CHN1: variants seen among roughly 807,000 people sequenced by gnomAD.
CHN1 encodes chimerin 1, also known as N-chimaerin.
Under a neutral mutation model 59.5 loss-of-function variants are expected in CHN1, and 37 were observed. That is an observed-to-expected ratio of 0.62 (90% CI 0.48 to 0.82). The LOEUF (loss-of-function observed/expected upper bound fraction) is 0.82, where lower values mean the gene tolerates loss of function less well. Ranked by LOEUF, CHN1 falls within the 40% of genes least tolerant of loss-of-function variation. CHN1 has a pLI of 0.00. For missense variants in CHN1, 469 were observed against 571.0 expected (o/e 0.82, Z 1.82); for synonymous variants, 206 against 200.4 (o/e 1.03, Z -0.24).
chr2:174,812,811 C>T (rs1268548259), intron 8 of CHN1, among the ~76,000 whole-genome samples: 7 of 152,162 alleles, frequency 4.6e-5, no homozygotes, highest in Non-Finnish European at 5.9e-5. Flanking sequence ...AAACCCATTT[C>T]TTTAAAGTTA....
chr2:174,880,409 T>C (rs937773333), intron 5 of CHN1, among the ~76,000 whole-genome samples: 1 of 152,174 alleles, frequency 6.6e-6, no homozygotes, highest in Non-Finnish European at 1.5e-5. Flanking sequence ...GCACAGACTG[T>C]CAAAGATTTC....
chr2:174,810,995 C>T (rs746573340), intron 10 of CHN1: 1 of 152,192 alleles, frequency 6.6e-6, no homozygotes, highest in Non-Finnish European at 1.5e-5. Flanking sequence ...TTTGACTGGG[C>T]CCCTTCTCCT....
intron 6 of CHN1, among the ~76,000 whole-genome samples, chr2:174,855,120 A>G (rs1686862037): frequency 6.6e-6 from 1 of 152,178 alleles, no homozygotes; most frequent in Non-Finnish European, 1.5e-5. Context: ...AGCCAAAGAA[A>G]TAATTCTCTA....
At chr2:174,900,643 T>C (rs1055287224) in intron 5 of CHN1, among the ~76,000 whole-genome samples, 8 of 151,812 alleles carry the variant, frequency 5.3e-5, no homozygotes, top group African/African-American at 1.9e-4. Context: ...GCGTCTCTAC[T>C]AAAAATACAA....
At chr2:174,816,539 A>C (rs1158429816) in intron 8 of CHN1, among the ~76,000 whole-genome samples, 1 of 152,082 alleles carries the variant, frequency 6.6e-6, no homozygotes, top group Non-Finnish European at 1.5e-5. Context: ...GATTATTTTT[A>C]ATCTCTGCCA....
chr2:174,926,941 G>A (rs1208886608), intron 3 of CHN1, among the ~76,000 whole-genome samples: 1 of 151,970 alleles, frequency 6.6e-6, no homozygotes, highest in African/African-American at 2.4e-5. Flanking sequence ...TGTATTTTTA[G>A]TAGAGACGGG....
intron 1 of CHN1, among the ~76,000 whole-genome samples, chr2:174,990,262 TGAGAGAGAGAGA>T (rs147367573): frequency 2.8e-4 from 25 of 89,442 alleles, no homozygotes; most frequent in Admixed American, 7.5e-4. Flanking sequence ...TGTGTGTGTG[TGAGAGAGAGAGA>T]GAGAGAGAGA....
chr2:174,824,614 C>CTATA (rs149952097), intron 7 of CHN1, 96 bp from the exon 8 acceptor site: 102,458 of 445,572 alleles, frequency 0.23, 12,631 homozygotes, highest in Admixed American at 0.4. Flanking sequence ...GCCACATATT[C>CTATA]TATATATATA....
chr2:174,850,200 C>A (rs1197231012), intron 6 of CHN1, among the ~76,000 whole-genome samples: 5 of 152,132 alleles, frequency 3.3e-5, no homozygotes, highest in Non-Finnish European at 7.3e-5. Context: ...TATGGGACTG[C>A]CACATGCTAC....
chr2:174,894,991 G>A (rs1688167160), intron 5 of CHN1, among the ~76,000 whole-genome samples: 1 of 151,424 alleles, frequency 6.6e-6, no homozygotes, highest in Admixed American at 6.6e-5. Context: ...CCACCTGTTA[G>A]TCACTTAGTA....
chr2:175,002,423 G>C (rs1691920676), intron 1 of CHN1, among the ~76,000 whole-genome samples: 1 of 152,150 alleles, frequency 6.6e-6, no homozygotes, highest in Non-Finnish European at 1.5e-5. Flanking sequence ...TAACTATTCA[G>C]CTTAATTTAA....
chr2:174,914,640 C>T (rs532773207), intron 5 of CHN1, among the ~76,000 whole-genome samples: 1 of 151,862 alleles, frequency 6.6e-6, no homozygotes, highest in African/African-American at 2.4e-5. Flanking sequence ...GTCAAGAGAT[C>T]GAGACCATCC....
At chr2:174,891,140 CAAAAAAAAA>C (rs58016502) in intron 5 of CHN1, among the ~76,000 whole-genome samples, 3 of 24,426 alleles carry the variant, frequency 1.2e-4, no homozygotes, top group African/African-American at 3.1e-4. Context: ...GACTCCATCT[CAAAAAAAAA>C]AAAAAAAAAA....
intron 1 of CHN1, among the ~76,000 whole-genome samples, chr2:175,004,249 C>G (rs1467487329): frequency 6.6e-6 from 1 of 152,238 alleles, no homozygotes; most frequent in Non-Finnish European, 1.5e-5. Context: ...AGCAACAGTG[C>G]TGCAGTAATT....
At chr2:174,986,060 T>C (rs2105455830) in intron 1 of CHN1, among the ~76,000 whole-genome samples, 1 of 152,334 alleles carries the variant, frequency 6.6e-6, no homozygotes, top group East Asian at 1.9e-4. Context: ...ACTGCAATTG[T>C]GGATTTGAGA....
intron 1 of CHN1, among the ~76,000 whole-genome samples, chr2:174,983,829 AAAATAAATAAAT>A (rs112080160): frequency 6.6e-6 from 1 of 151,928 alleles, no homozygotes; most frequent in Non-Finnish European, 1.5e-5. Context: ...CTCCGTCTTA[AAAATAAATAAAT>A]AAATAAATAA....
chr2:174,812,057 G>C, intron 9 of CHN1: 1 of 356,502 alleles, frequency 2.8e-6, no homozygotes, highest in Admixed American at 4.5e-5. Context: ...AACTTTTGCA[G>C]ACTGGAAGCA....
intron 6 of CHN1, among the ~76,000 whole-genome samples, chr2:174,858,386 C>T (rs905484413): frequency 3.3e-5 from 5 of 152,002 alleles, no homozygotes; most frequent in African/African-American, 1.2e-4. Context: ...TGAAAATTTG[C>T]TTTTATTTTG....
At chr2:174,971,821 G>A (rs1690767994) in intron 1 of CHN1, among the ~76,000 whole-genome samples, 1 of 152,134 alleles carries the variant, frequency 6.6e-6, no homozygotes, top group African/African-American at 2.4e-5. Flanking sequence ...TTAGAAACAA[G>A]GCAAACAGTG....
Sources: allele counts gnomAD v4.1 joint callset (sites outside exome capture counted in the v4.1 genomes callset), GRCh38; gene constraint gnomAD v4.1.1; transcripts MANE v1.5; gene names NCBI Gene and HGNC (gene_info 2026-07-23, HGNC 2026-07-21).